The following CRMP1 variants were observed in gnomAD, a reference collection of about 807,000 sequenced individuals.
CRMP1 encodes dihydropyrimidinase-related protein 1.
In CRMP1, 19 loss-of-function variants were observed where a neutral mutation model predicts 68.3. That is an observed-to-expected ratio of 0.28 (90% CI 0.19 to 0.41). The LOEUF (loss-of-function observed/expected upper bound fraction) is 0.41. Ranked by LOEUF, CRMP1 falls within the 10% of genes least tolerant of loss-of-function variation. CRMP1 has a pLI of 1.00. For synonymous variants in CRMP1, 439 were observed against 399.6 expected (o/e 1.10, Z -1.18); for missense variants, 791 against 967.4 (o/e 0.82, Z 2.42).
chr4:5,888,623 C>T lies in CRMP1; in HGVS notation c.381+3966G>A. The T allele has an allele frequency of 1.7e-6, 1 of 604,320 alleles. No homozygotes were observed. Among genetic ancestry groups the T allele is most frequent in the Non-Finnish European group, 2.1e-6 (1 of 478,826 alleles). 37.4% of individuals were successfully genotyped at this position (604,320 alleles called of 1,614,324 possible). On this transcript the variant is annotated intron_variant, in intron 1 of 13. Coordinates refer to ENST00000324989, the MANE Select transcript of CRMP1 (RefSeq NM_001014809.3). The surrounding 1 kb of genome is among the most constrained non-coding windows in gnomAD (Gnocchi z 6.4). Reference sequence around the variant, plus strand: ...AGCGCTTCCCTTCCGATCTCCCACCCCGCCCCCCGCCCCCCACCCGCCCAG... The same window carrying T: ...AGCGCTTCCCTTCCGATCTCCCACCTCGCCCCCCGCCCCCCACCCGCCCAG...
intron 11 of CRMP1, among the ~76,000 whole-genome samples, chr4:5,830,971 G>GTTGT (rs1362413931): frequency 1.3e-5 from 2 of 152,008 alleles, no homozygotes; most frequent in Non-Finnish European, 2.9e-5. Flanking sequence ...TGTTTGTTTG[G>GTTGT]TTGTTTTGAG....
intron 9 of CRMP1, among the ~76,000 whole-genome samples, chr4:5,839,047 G>A (rs985451199): frequency 6.6e-6 from 1 of 152,252 alleles, no homozygotes; most frequent in Non-Finnish European, 1.5e-5. Context: ...CACAGCAAGT[G>A]TGCTGCAGGC....
At chr4:5,868,631 A>G (rs559606845) in intron 1 of CRMP1, among the ~76,000 whole-genome samples, 2 of 152,222 alleles carry the variant, frequency 1.3e-5, no homozygotes, top group East Asian at 3.9e-4. Context: ...TAAAATAATC[A>G]CAAAATACTC....
chr4:5,869,693 A>G (rs1279338777), intron 1 of CRMP1, among the ~76,000 whole-genome samples: 6 of 145,062 alleles, frequency 4.1e-5, no homozygotes, highest in African/African-American at 1.5e-4. Context: ...AAAAAAAAAA[A>G]AAAAAAAAGA....
chr4:5,827,945 G>A (rs777844848), intron 12 of CRMP1: 2 of 710,724 alleles, frequency 2.8e-6, no homozygotes, highest in African/African-American at 1.9e-5. Context: ...ATGTCCTGAG[G>A]TCAGTGCTAA....
chr4:5,877,730 CT>C lies in CRMP1; in HGVS notation c.382-10975del, dbSNP rs575540734. ...CAGGTAGTCCCCATGGACTGCAGGA[CT>C]TTTTTTCCCCCCGATATTATGCCTG... On this transcript the variant is annotated intron_variant, in intron 1 of 13. Coordinates refer to ENST00000324989, the MANE Select transcript of CRMP1 (RefSeq NM_001014809.3). This position sits in a 1 kb window ranked among gnomAD's most constrained non-coding sequence, Gnocchi z 4.3. Among the ~76,000 whole-genome samples, 10 of 152,288 alleles carry C rather than the reference CT, an allele frequency of 6.6e-5. No homozygotes were observed. Among genetic ancestry groups the C allele is most frequent in the Admixed American group, 1.3e-4 (2 of 15,302 alleles).
chr4:5,833,673 G>GT (rs1480534971), intron 11 of CRMP1, among the ~76,000 whole-genome samples: 2 of 152,184 alleles, frequency 1.3e-5, no homozygotes, highest in Non-Finnish European at 2.9e-5. Context: ...CTACAAAACA[G>GT]TATTTGGCTG....
At chr4:5,840,129 A>G (rs549507769) in intron 8 of CRMP1, among the ~76,000 whole-genome samples, 24 of 152,276 alleles carry the variant, frequency 1.6e-4, no homozygotes, top group Admixed American at 2.6e-4. Context: ...TAAGGCAGGG[A>G]AAGCAGCCAA....
chr4:5,821,682 G>T lies in CRMP1; in HGVS notation c.*78C>A, dbSNP rs1211237665. 6 of 1,388,438 alleles carry T rather than the reference G, an allele frequency of 4.3e-6. No individual in the cohort carries two copies. In the African/African-American group the frequency reaches 5.7e-5, roughly 13 times the overall value. 86.0% of individuals were successfully genotyped at this position (1,388,438 alleles called of 1,614,324 possible). On this transcript the variant is annotated 3_prime_UTR_variant, in exon 14 of 14. Transcript: ENST00000324989. This position sits in a 1 kb window ranked among gnomAD's most constrained non-coding sequence, Gnocchi z 4.4. ...CCATCAGCACCAACTAAAACTGTGG[G>T]TTTCAAAAACACTGACAGGAAAAGG...
intron 3 of CRMP1, among the ~76,000 whole-genome samples, chr4:5,857,116 A>ATCATCATCACCG (rs1713183130): frequency 4.8e-5 from 1 of 20,950 alleles, no homozygotes; most frequent in African/African-American, 1.9e-4. Context: ...CACCACCACA[A>ATCATCATCACCG]TCATCACCAT....
chr4:5,830,456 G>GTGT (rs1181530261), intron 11 of CRMP1, among the ~76,000 whole-genome samples: 1 of 152,124 alleles, frequency 6.6e-6, no homozygotes, highest in African/African-American at 2.4e-5. Context: ...CAAAAAATGT[G>GTGT]TGTTGTATTC....
At chr4:5,880,368 A>G (rs1419649489) in intron 1 of CRMP1, among the ~76,000 whole-genome samples, 1 of 152,220 alleles carries the variant, frequency 6.6e-6, no homozygotes. Context: ...CTTAAGCCCT[A>G]AGGGTCTATG....
chr4:5,888,389 C>A lies in CRMP1; in HGVS notation c.381+4200G>T. 1 of 1,222,640 alleles carries A rather than the reference C, an allele frequency of 8.2e-7. No individual in the cohort carries two copies. 75.7% of individuals were successfully genotyped at this position (1,222,640 alleles called of 1,614,324 possible). Reference sequence around the variant, plus strand: ...GGCCCGGGAGGGATAGAGACACGGACGGAGGCTCGGCGCCCGTGGATGCCC... The same window carrying A: ...GGCCCGGGAGGGATAGAGACACGGAAGGAGGCTCGGCGCCCGTGGATGCCC... On this transcript the variant is annotated intron_variant, in intron 1 of 13. Coordinates refer to ENST00000324989, the MANE Select transcript of CRMP1 (RefSeq NM_001014809.3). This position sits in a 1 kb window ranked among gnomAD's most constrained non-coding sequence, Gnocchi z 6.4.
chr4:5,893,051 C>T lies in CRMP1; in HGVS notation c.-82G>A. On this transcript the variant is annotated 5_prime_UTR_variant, in exon 1 of 14. Transcript: ENST00000324989. ...CACCGCCGTGCGCCGCGCTCCGCGCCTCGGTGCGGGCCTGCGGCGGCCCGG... is the reference window on the plus strand; with the variant it reads ...CACCGCCGTGCGCCGCGCTCCGCGCTTCGGTGCGGGCCTGCGGCGGCCCGG... 1.0e-6 allele frequency: 1 copy of T among 953,980 alleles called. No individual in the cohort carries two copies. The highest frequency in any genetic ancestry group is 1.3e-6 in the Non-Finnish European group (1 of 792,684). The allele number at this position is 953,980 out of a possible 1,614,324, so 59.1% of individuals were successfully genotyped here. A position where few individuals can be genotyped will look rare whatever the true frequency, so the allele number is the denominator to read the frequency against.
intron 1 of CRMP1, among the ~76,000 whole-genome samples, chr4:5,869,609 G>A (rs751673228): frequency 8.0e-5 from 12 of 150,776 alleles, no homozygotes; most frequent in South Asian, 2.1e-4. Context: ...TCATGAACCC[G>A]GAACGCAGAG....
At chr4:5,878,569 T>C (rs1169768290) in intron 1 of CRMP1, among the ~76,000 whole-genome samples, 1 of 152,130 alleles carries the variant, frequency 6.6e-6, no homozygotes, top group Non-Finnish European at 1.5e-5. Context: ...TACTCTCTCA[T>C]TACATGCTCA....
chr4:5,867,218 A>G (rs78739039), intron 1 of CRMP1, among the ~76,000 whole-genome samples: 1 of 152,124 alleles, frequency 6.6e-6, no homozygotes, highest in Non-Finnish European at 1.5e-5. Flanking sequence ...GCCCTCTTCA[A>G]TGTGCCTTGA....
At chr4:5,823,158 C>T (rs760479527) in intron 13 of CRMP1, among the ~76,000 whole-genome samples, 1 of 152,200 alleles carries the variant, frequency 6.6e-6, no homozygotes, top group Non-Finnish European at 1.5e-5. Context: ...TAAGACACCA[C>T]CCCACTCCCT....
intron 4 of CRMP1, among the ~76,000 whole-genome samples, chr4:5,852,246 T>C (rs1318675532): frequency 6.6e-6 from 1 of 152,244 alleles, no homozygotes; most frequent in Non-Finnish European, 1.5e-5. Flanking sequence ...AGGCCTCAGT[T>C]GCTGTGTGGC....
Sources: gnomAD v4.1 joint callset for allele counts (sites outside exome capture counted in the v4.1 genomes callset) on GRCh38, gnomAD v4.1.1 for gene constraint, Gnocchi (gnomAD v3.1) non-coding constraint, MANE v1.5 for transcripts, NCBI Gene and HGNC (gene_info 2026-07-23, HGNC 2026-07-21) for gene names.